The following RIC3 variants were observed in gnomAD, a reference collection of about 807,000 sequenced individuals.
RIC3 encodes protein RIC-3.
Under a neutral mutation model 27.3 loss-of-function variants are expected in RIC3, and 28 were observed. The observed-to-expected ratio is 1.02, with a 90% CI of 0.76 to 1.41. RIC3 has a LOEUF of 1.41. Among genes scored for constraint, RIC3 ranks in the 40% most tolerant of loss-of-function variants. The probability of loss-of-function intolerance (pLI) is 0.00; values close to 1 mark genes in which losing one functional copy is unlikely to be tolerated. For synonymous variants in RIC3, 184 were observed against 160.4 expected, an observed-to-expected ratio of 1.15 and a Z score of -1.11; for missense variants, 501 against 444.7, an observed-to-expected ratio of 1.13 and a Z score of -1.14.
chr11:8,147,153 G>C (rs1949769840), intron 1 of RIC3, among the ~76,000 whole-genome samples: 1 of 152,134 alleles, frequency 6.6e-6, no homozygotes, highest in South Asian at 2.1e-4. Flanking sequence ...TCACCACTTT[G>C]AGTCTTCCTG....
Position 8,137,400 on chromosome 11 carries a change from T to C in RIC3, c.499A>G (p.Arg167Gly). 1 of 1,614,102 alleles carries C rather than the reference T, an allele frequency of 6.2e-7. No homozygotes were observed. Residue 167 changes from arginine to glycine, a missense_variant, in exon 4 of 6, where the codon AGA becomes GGA. Physicochemically the swap from Arg to Gly is moderately radical, Grantham distance 125. Transcript: ENST00000309737. Reference sequence around the variant, plus strand: ...TACCTCTCACCATTAGGTCCCACTCTGTTGATTAATTTTTCCATGGCTGCT... The same window carrying C: ...TACCTCTCACCATTAGGTCCCACTCCGTTGATTAATTTTTCCATGGCTGCT... ...TEAAMEKLIN[R>G]VGPNGESRAQ... is the part of the protein sequence containing the mutation.
At chr11:8,100,994 G>A in the RIC3 span, 7 of 1,614,134 alleles carry the variant, frequency 4.3e-6, no homozygotes, top group Non-Finnish European at 5.9e-6. Context: ...CCATGGCAAT[G>A]ACCGTGAGTG....
chr11:8,145,298 T>A (rs184473315), intron 1 of RIC3, among the ~76,000 whole-genome samples: 1 of 152,038 alleles, frequency 6.6e-6, no homozygotes, highest in African/African-American at 2.4e-5. Flanking sequence ...ACTTTCACAT[T>A]CTAGCTCAAT....
chr11:8,123,845 G>T (rs1316344620), intron 5 of RIC3, among the ~76,000 whole-genome samples: 1 of 151,394 alleles, frequency 6.6e-6, no homozygotes, highest in African/African-American at 2.4e-5. Flanking sequence ...TCAAGACCAG[G>T]CATGAGTAGC....
chr11:8,096,716 T>TGAG, the RIC3 span: 1 of 1,613,252 alleles, frequency 6.2e-7, no homozygotes, highest in Non-Finnish European at 8.5e-7. Flanking sequence ...TTGACGAGGA[T>TGAG]GAGGAGGATG....
the RIC3 span, among the ~76,000 whole-genome samples, chr11:8,099,429 A>G: frequency 1.3e-5 from 2 of 152,172 alleles, no homozygotes. Context: ...CAACCTGGGC[A>G]TGGGCACTTC....
At chr11:8,151,062 C>T (rs185747544) in intron 1 of RIC3, among the ~76,000 whole-genome samples, 20 of 152,316 alleles carry the variant, frequency 1.3e-4, no homozygotes, top group Non-Finnish European at 2.5e-4. Context: ...AGACATAAAT[C>T]CTTGTGACTG....
rs377585173 is a variant in RIC3 at position 8,136,988 on chromosome 11, T to C, written c.521+390A>G. On this transcript the variant is annotated intron_variant, in intron 4 of 5. Coordinates refer to ENST00000309737, the MANE Select transcript of RIC3 (RefSeq NM_001206671.4). ...CAGTACATAAAATGAAAATAAGTGG[T>C]CTATTTATCAAAAAAAAAGCATAAT... Among the ~76,000 whole-genome samples, 316 of 152,266 alleles carry C rather than the reference T, an allele frequency of 2.1e-3. 3 individuals carry two copies. The highest frequency in any genetic ancestry group is 7.3e-3 in the African/African-American group (305 of 41,552).
At chr11:8,094,664 A>G in the RIC3 span, among the ~76,000 whole-genome samples, 2 of 152,224 alleles carry the variant, frequency 1.3e-5, no homozygotes, top group Admixed American at 1.3e-4. Context: ...TCTGGACCAC[A>G]GACCAGCCTG....
At chr11:8,149,632 G>T (rs1477104984) in intron 1 of RIC3, among the ~76,000 whole-genome samples, 1 of 152,140 alleles carries the variant, frequency 6.6e-6, no homozygotes, top group Non-Finnish European at 1.5e-5. Context: ...AAAAAGGAAA[G>T]GATAGGTCTA....
chr11:8,149,334 G>A (rs1950019442), intron 1 of RIC3, among the ~76,000 whole-genome samples: 1 of 152,104 alleles, frequency 6.6e-6, no homozygotes, highest in African/African-American at 2.4e-5. Flanking sequence ...ATGAGATTGA[G>A]AACAAAGAAA....
rs141247635 is a variant in RIC3 at position 8,147,690 on chromosome 11, C to T, written c.125-7497G>A. On this transcript the variant is annotated intron_variant, in intron 1 of 5. Transcript: ENST00000309737. ...GAGACTTCACTGTTTGTAGGGTGTG[C>T]CTCCCTAGGCCTGTTAGGTAGAACT... 3.3e-5 allele frequency among the ~76,000 whole-genome samples: 5 copies of T among 151,530 alleles called. No homozygotes were observed. In the East Asian group the frequency reaches 9.7e-4, roughly 29 times the overall value.
At chr11:8,142,299 A>T (rs911887853) in intron 1 of RIC3, among the ~76,000 whole-genome samples, 1 of 145,306 alleles carries the variant, frequency 6.9e-6, no homozygotes, top group Non-Finnish European at 1.5e-5. Context: ...TAAAGAAAAA[A>T]AGAGAGAAGA....
intron 5 of RIC3, among the ~76,000 whole-genome samples, chr11:8,113,278 A>C (rs762810543): frequency 2.6e-5 from 4 of 152,158 alleles, no homozygotes; most frequent in Non-Finnish European, 4.4e-5. Context: ...CTTATCTTTG[A>C]ATTTTCATGA....
intron 4 of RIC3, among the ~76,000 whole-genome samples, chr11:8,129,591 T>C (rs138869850): frequency 1.7e-4 from 26 of 152,222 alleles, no homozygotes; most frequent in African/African-American, 3.9e-4. Context: ...TCTAAGATGA[T>C]AGAAAAATAA....
At chr11:8,094,168 GAGA>G in the RIC3 span, 19 of 1,613,526 alleles carry the variant, frequency 1.2e-5, no homozygotes, top group Middle Eastern at 1.7e-4. Context: ...CGCTAGGAAG[GAGA>G]AGAAGGGAAA....
chr11:8,164,781 C>CAAAAAAA, intron 1 of RIC3, among the ~76,000 whole-genome samples: 1 of 84,230 alleles, frequency 1.2e-5, no homozygotes, highest in Non-Finnish European at 2.7e-5. Context: ...CTGTCTCTCT[C>CAAAAAAA]AAAAAAAAAA....
At chr11:8,122,864 C>CA (rs55826618) in intron 5 of RIC3, among the ~76,000 whole-genome samples, 19,013 of 61,264 alleles carry the variant, frequency 0.31, 1,933 homozygotes, top group East Asian at 0.36. Context: ...ACCAGGTATG[C>CA]AAAAAAAAAA....
intron 1 of RIC3, among the ~76,000 whole-genome samples, chr11:8,163,902 C>A (rs1479028119): frequency 6.6e-6 from 1 of 150,844 alleles, no homozygotes; most frequent in Non-Finnish European, 1.5e-5. Flanking sequence ...GCAAAACAAT[C>A]TTGAAAAAGA....
Sources: gnomAD v4.1 joint callset for allele counts (sites outside exome capture counted in the v4.1 genomes callset) on GRCh38, gnomAD v4.1.1 for gene constraint, MANE v1.5 for transcripts, NCBI Gene and HGNC (gene_info 2026-07-23, HGNC 2026-07-21) for gene names.